FMN1: variants seen among roughly 807,000 people sequenced by gnomAD.
The protein encoded by FMN1 is formin 1.
In FMN1, 110 loss-of-function variants were observed where a neutral mutation model predicts 132.4. The observed-to-expected ratio is 0.83, with a 90% confidence interval of 0.71 to 0.97. FMN1 has a LOEUF of 0.97. Ranked by LOEUF, FMN1 falls within the 50% of genes least tolerant of loss-of-function variation. The probability of loss-of-function intolerance (pLI) is 0.00; values close to 1 mark genes in which losing one functional copy is unlikely to be tolerated. For synonymous variants in FMN1, 722 were observed against 651.7 expected (o/e 1.11, Z -1.64); for missense variants, 1,792 against 1,705.3 (o/e 1.05, Z -0.90).
intron 5 of FMN1, among the ~76,000 whole-genome samples, chr15:33,072,839 C>G (rs1402541834): frequency 6.6e-6 from 1 of 151,236 alleles, no homozygotes; most frequent in Non-Finnish European, 1.5e-5. Context: ...AGGAGAATCA[C>G]TTGAACCCAT....
chr15:33,178,432 A>G (rs1332480396), intron 3 of FMN1, among the ~76,000 whole-genome samples: 1 of 152,196 alleles, frequency 6.6e-6, no homozygotes, highest in Non-Finnish European at 1.5e-5. Flanking sequence ...TGATGTCTCC[A>G]TATCCTGCTC....
chr15:32,896,648 T>C (rs2060165574), intron 15 of FMN1, among the ~76,000 whole-genome samples: 1 of 152,172 alleles, frequency 6.6e-6, no homozygotes, highest in Admixed American at 6.5e-5. Context: ...CTTATTTAAG[T>C]GGAATCATGC....
At chr15:32,874,925 AATTAGCACTGTTAGTAC>A (rs1044482831) in intron 16 of FMN1, among the ~76,000 whole-genome samples, 29 of 152,202 alleles carry the variant, frequency 1.9e-4, no homozygotes, top group African/African-American at 7.0e-4. Flanking sequence ...AACACAACCA[AATTAGCACTGTTAGTAC>A]ATTAGCCATT....
intron 4 of FMN1, among the ~76,000 whole-genome samples, chr15:33,096,327 G>C (rs2039083676): frequency 6.6e-6 from 1 of 152,158 alleles, no homozygotes; most frequent in Non-Finnish European, 1.5e-5. Flanking sequence ...GGCTGGTCTA[G>C]TCGTCTGTCA....
chr15:33,085,230 T>G (rs2038642104), intron 5 of FMN1, among the ~76,000 whole-genome samples: 1 of 152,134 alleles, frequency 6.6e-6, no homozygotes. Flanking sequence ...CTGCCCCAAT[T>G]TGTAGTCTTT....
chr15:32,999,003 A>G (rs2033939006), intron 7 of FMN1, among the ~76,000 whole-genome samples: 1 of 152,216 alleles, frequency 6.6e-6, no homozygotes, highest in Non-Finnish European at 1.5e-5. Flanking sequence ...TCTCAACACT[A>G]GTAAACCAGT....
chr15:33,062,601 G>T (rs4779604), intron 6 of FMN1: 1 of 151,902 alleles, frequency 6.6e-6, no homozygotes, highest in Non-Finnish European at 1.5e-5. Flanking sequence ...CAGCCTGGGC[G>T]ACAGAGTGAG....
rs1555505892 is a variant in FMN1, at chr15:32,964,016, T to TATACAC, written c.3138+90_3138+91insGTGTAT. The TATACAC allele has an allele frequency of 3.7e-3, 1,860 of 508,076 alleles. 11 individuals are homozygous for TATACAC. Among genetic ancestry groups the TATACAC allele is most frequent in the African/African-American group, 0.019 (897 of 48,290 alleles). 31.5% of individuals were successfully genotyped at this position (508,076 alleles called of 1,614,324 possible). A position where few individuals can be genotyped will look rare whatever the true frequency, so the allele number is the denominator to read the frequency against. On this transcript the variant is annotated intron_variant, in intron 9 of 20. Transcript: ENST00000616417. ...GGTATGTGTGTGTGTGTATATACGA[T>TATACAC]ACACACACACACACACACACACACA...
At position 32,950,004 on chromosome 15, in the gene FMN1, CATATATATATACACATAT is replaced by C. The variant is rs1379998967; in HGVS notation, c.3138+14085_3138+14102del. Among the ~76,000 whole-genome samples, 6 of 22,438 alleles carry C rather than the reference CATATATATATACACATAT, an allele frequency of 2.7e-4. 1 individual carries two copies. The highest frequency in any genetic ancestry group is 1.7e-3 in the African/African-American group (6 of 3,518). The allele number at this position is 22,438 out of a possible 152,430, so 14.7% of individuals were successfully genotyped here. On this transcript the variant is annotated intron_variant, in intron 9 of 20. Coordinates refer to ENST00000616417, the MANE Select transcript of FMN1 (RefSeq NM_001277313.2). The stretch of plus-strand genomic sequence containing the variant: ...ACACACACATATATATACACATACA[CATATATATATACACATAT>C]ATATATATATACACATATATATATA...
At chr15:32,914,066 C>G (rs547491674) in intron 10 of FMN1, among the ~76,000 whole-genome samples, 1 of 152,190 alleles carries the variant, frequency 6.6e-6, no homozygotes, top group Non-Finnish European at 1.5e-5. Flanking sequence ...AACTCACACA[C>G]TCGGTGTAGA....
Position 32,857,045 on chromosome 15 carries a change from T to G in FMN1, c.3898A>C (p.Lys1300Gln), listed in dbSNP as rs778922011. The G allele has an allele frequency of 3.7e-6, 6 of 1,613,860 alleles. No homozygotes were observed. Among genetic ancestry groups the G allele is most frequent in the Non-Finnish European group, 5.1e-6 (6 of 1,179,744 alleles). Residue 1300 changes from lysine to glutamine, a missense_variant, in exon 17 of 21, where the codon AAG becomes CAG. By Grantham distance (53) the Lys-to-Gln change is moderately conservative. This residue lies in a region of FMN1 where 1,150 missense variants were observed against 1,043.1 expected (regional missense o/e 1.10). Coordinates refer to ENST00000616417, the MANE Select transcript of FMN1 (RefSeq NM_001277313.2). ...ESPKEYLQPF[K>Q]DKLEEFFQKA... The stretch of plus-strand genomic sequence containing the variant: ...TGGAAGAACTCCTCTAGTTTGTCCT[T>G]GAAAGGCTGGAGATACTCCTTTGGG...
At chr15:32,827,848 A>G (rs78943433) in intron 17 of FMN1, among the ~76,000 whole-genome samples, 1 of 148,268 alleles carries the variant, frequency 6.7e-6, no homozygotes, top group South Asian at 2.1e-4. Flanking sequence ...CGTCTCAAGA[A>G]AAAAAAAAAA....
At chr15:32,964,671 G>A (rs115133333) in intron 8 of FMN1, among the ~76,000 whole-genome samples, 1,812 of 152,260 alleles carry the variant, frequency 0.012, 46 homozygotes, top group African/African-American at 0.042. Context: ...AATTCTGAAG[G>A]AGACTGAAAA....
intron 2 of FMN1, among the ~76,000 whole-genome samples, chr15:33,183,260 T>C (rs559281114): frequency 6.6e-6 from 1 of 152,294 alleles, no homozygotes; most frequent in South Asian, 2.1e-4. Context: ...GCCTACCTAA[T>C]AGGTTGTTGT....
chr15:32,994,232 T>TCTCTCA (rs904998781), intron 7 of FMN1, among the ~76,000 whole-genome samples: 7 of 37,200 alleles, frequency 1.9e-4, no homozygotes, highest in African/African-American at 3.9e-4. Flanking sequence ...TCTCTCTCTC[T>TCTCTCA]CACACACACA....
At chr15:33,077,559 C>T (rs915319577) in intron 5 of FMN1, among the ~76,000 whole-genome samples, 1 of 151,692 alleles carries the variant, frequency 6.6e-6, no homozygotes, top group Admixed American at 6.6e-5. Flanking sequence ...GTTCCCCTTC[C>T]TATGTCCATG....
intron 16 of FMN1, among the ~76,000 whole-genome samples, chr15:32,876,506 C>G (rs1476541898): frequency 6.6e-6 from 1 of 152,128 alleles, no homozygotes; most frequent in Non-Finnish European, 1.5e-5. Context: ...TCAGTTTTAA[C>G]AAATGGATCA....
rs576834320 is a variant in FMN1, at chr15:32,871,795, C to T, written c.3836-14688G>A. On this transcript the variant is annotated intron_variant, in intron 16 of 20. Transcript: ENST00000616417. ...TTTGGAAATAAAACCATTTTCTGTACCACTCTGCAGAGGTGGCTGGCTCCA... is the reference window on the plus strand; with the variant it reads ...TTTGGAAATAAAACCATTTTCTGTATCACTCTGCAGAGGTGGCTGGCTCCA... Among the ~76,000 whole-genome samples the T allele has an allele frequency of 2.0e-5, 3 of 152,212 alleles. No individual in the cohort carries two copies. In the South Asian group the frequency reaches 6.2e-4, roughly 32 times the overall value.
intron 12 of FMN1, among the ~76,000 whole-genome samples, chr15:32,902,882 A>G (rs1345831990): frequency 6.6e-6 from 1 of 152,212 alleles, no homozygotes; most frequent in Admixed American, 6.5e-5. Flanking sequence ...AAAAGGAGAA[A>G]ATCTACTAAC....
Sources: allele counts gnomAD v4.1 joint callset (sites outside exome capture counted in the v4.1 genomes callset), GRCh38; gene constraint gnomAD v4.1.1; regional missense constraint gnomAD v4.1.1; transcripts MANE v1.5; gene names NCBI Gene and HGNC (gene_info 2026-07-23, HGNC 2026-07-21).